The following COBLL1 variants were observed in gnomAD, a reference collection of about 807,000 sequenced individuals.
COBLL1 encodes cordon-bleu WH2 repeat protein like 1.
Under a neutral mutation model 94.8 loss-of-function variants are expected in COBLL1, and 50 were observed. The observed-to-expected ratio is 0.53, with a 90% CI of 0.42 to 0.67. COBLL1 has a LOEUF of 0.67. COBLL1 is among the 30% of genes least tolerant of loss of function. The pLI, the probability that COBLL1 is intolerant of heterozygous loss-of-function variation, is 0.00. For synonymous variants in COBLL1, 448 were observed against 473.8 expected (o/e 0.95, Z 0.71); for missense variants, 1,362 against 1,348.7 (o/e 1.01, Z -0.15).
At chr2:164,726,993 T>C (rs1314963881) in intron 5 of COBLL1, 2 of 436,000 alleles carry the variant, frequency 4.6e-6, no homozygotes, top group Non-Finnish European at 8.0e-6. Context: ...TAGGTTAAAA[T>C]CTCATACAGA....
At chr2:164,712,666 CATT>C (rs1166076748) in intron 7 of COBLL1, among the ~76,000 whole-genome samples, 1 of 151,788 alleles carries the variant, frequency 6.6e-6, no homozygotes, top group African/African-American at 2.4e-5. Context: ...TTTAAAGTGT[CATT>C]ATTATATATA....
intron 2 of COBLL1, among the ~76,000 whole-genome samples, chr2:164,792,732 A>T (rs1458703084): frequency 6.6e-6 from 1 of 152,182 alleles, no homozygotes; most frequent in Non-Finnish European, 1.5e-5. Context: ...TATTTATAAC[A>T]TCAATTTTGT....
At chr2:164,825,585 C>G in intron 2 of COBLL1, among the ~76,000 whole-genome samples, 1 of 152,076 alleles carries the variant, frequency 6.6e-6, no homozygotes, top group East Asian at 1.9e-4. Context: ...TTTAAAGTTT[C>G]TATATTACAA....
chr2:164,695,091 C>T lies in COBLL1; in HGVS notation c.2301G>A (p.Lys767=). The T allele has an allele frequency of 6.2e-7, 1 of 1,613,826 alleles. No individual in the cohort carries two copies. The highest frequency in any genetic ancestry group is 8.5e-7 in the Non-Finnish European group (1 of 1,179,920). The change falls in exon 12 of 14, where the codon AAG becomes AAA. Residue 767 remains lysine, a synonymous_variant. Coordinates refer to ENST00000652658, the MANE Select transcript of COBLL1 (RefSeq NM_001365672.2). The part of the protein sequence containing the change: ...DDQDMHALGK[K]HTHENVKETA... ...TTTCTTTCACATTCTCATGAGTGTG[C>T]TTTTTCCCTAAAGCATGCATGTCCT...
At chr2:164,749,721 C>G (rs1687034756) in intron 2 of COBLL1, among the ~76,000 whole-genome samples, 1 of 152,030 alleles carries the variant, frequency 6.6e-6, no homozygotes, top group South Asian at 2.1e-4. Context: ...GTGAGTATGT[C>G]AAAAGGGCTT....
At position 164,756,056 on chromosome 2, in the gene COBLL1, TGAGA is replaced by T. The variant is rs145182355; in HGVS notation, c.42-12185_42-12182del. 2.1e-4 allele frequency among the ~76,000 whole-genome samples: 30 copies of T among 144,364 alleles called. 1 individual carries two copies. Among genetic ancestry groups the T allele is most frequent in the East Asian group, 6.2e-4 (3 of 4,840 alleles). The allele number at this position is 144,364 out of a possible 152,430, so 94.7% of individuals were successfully genotyped here. On this transcript the variant is annotated intron_variant, in intron 2 of 13. Coordinates refer to ENST00000652658, the MANE Select transcript of COBLL1 (RefSeq NM_001365672.2). ...TGCGTATAGTGTGTATATGGCAGCATGAGAGAGAGAGAGAGAATGAGGGAGGGAG... is the reference window on the plus strand; with the variant it reads ...TGCGTATAGTGTGTATATGGCAGCATGAGAGAGAGAGAATGAGGGAGGGAG...
intron 3 of COBLL1, among the ~76,000 whole-genome samples, chr2:164,736,975 T>C (rs1038184935): frequency 1.3e-5 from 2 of 152,134 alleles, no homozygotes; most frequent in African/African-American, 4.8e-5. Flanking sequence ...AACATCTAAC[T>C]ATTGCACTTG....
chr2:164,800,797 A>T (rs1683735647), intron 2 of COBLL1, among the ~76,000 whole-genome samples: 1 of 152,198 alleles, frequency 6.6e-6, no homozygotes, highest in African/African-American at 2.4e-5. Context: ...AAAAAGTCTC[A>T]AAAGGTTGCA....
intron 2 of COBLL1, among the ~76,000 whole-genome samples, chr2:164,804,367 CTTTT>C (rs1043991328): frequency 6.6e-6 from 1 of 151,674 alleles, no homozygotes; most frequent in Non-Finnish European, 1.5e-5. Flanking sequence ...TTCATGCGTG[CTTTT>C]TTTAAAAATG....
chr2:164,738,174 C>T (rs2105544574), intron 3 of COBLL1: 2 of 152,240 alleles, frequency 1.3e-5, no homozygotes, highest in South Asian at 4.1e-4. Context: ...TTTCTTCCTC[C>T]CTCTTGTAGG....
At chr2:164,814,548 A>G (rs1281933275) in intron 2 of COBLL1, among the ~76,000 whole-genome samples, 1 of 152,176 alleles carries the variant, frequency 6.6e-6, no homozygotes, top group Non-Finnish European at 1.5e-5. Flanking sequence ...ATCTCAATGT[A>G]TGTATACTGA....
Position 164,818,268 on chromosome 2 carries a change from G to GTATGTATGTATACATA in COBLL1, c.41+22872_41+22887dup, listed in dbSNP as rs1201873302. On this transcript the variant is annotated intron_variant, in intron 2 of 13. Transcript: ENST00000652658. The stretch of plus-strand genomic sequence containing the variant: ...TACATGTGCATATACACATATACAC[G>GTATGTATGTATACATA]TATGTATGTATACATATATGTATGT... 1.6e-4 allele frequency among the ~76,000 whole-genome samples: 16 copies of GTATGTATGTATACATA among 100,172 alleles called. 1 individual carries two copies. In the South Asian group the frequency reaches 1.7e-3, roughly 11 times the overall value. The allele number at this position is 100,172 out of a possible 152,430, so 65.7% of individuals were successfully genotyped here. A position where few individuals can be genotyped will look rare whatever the true frequency, so the allele number is the denominator to read the frequency against.
intron 2 of COBLL1, among the ~76,000 whole-genome samples, chr2:164,805,332 T>TAA (rs1684060975): frequency 1.8e-5 from 1 of 54,192 alleles, no homozygotes; most frequent in African/African-American, 8.8e-5. Flanking sequence ...TCTCTCTCTC[T>TAA]CTCTCTATAT....
chr2:164,838,413 G>T (rs1683424091), intron 2 of COBLL1, among the ~76,000 whole-genome samples: 1 of 152,160 alleles, frequency 6.6e-6, no homozygotes, highest in Non-Finnish European at 1.5e-5. Flanking sequence ...ATTAATAAAA[G>T]TGAAGATAAG....
chr2:164,731,216 C>T (rs1436052613), intron 3 of COBLL1, among the ~76,000 whole-genome samples: 1 of 152,162 alleles, frequency 6.6e-6, no homozygotes, highest in Non-Finnish European at 1.5e-5. Context: ...TTTTTATTTC[C>T]TGGCCCATGA....
intron 12 of COBLL1, among the ~76,000 whole-genome samples, chr2:164,693,347 T>C (rs1224255269): frequency 1.3e-5 from 2 of 152,146 alleles, no homozygotes; most frequent in Non-Finnish European, 2.9e-5. Flanking sequence ...TATACAATTA[T>C]GGAAAAATAT....
At chr2:164,721,948 T>C in intron 7 of COBLL1, 127 bp downstream of exon 7, 2 of 626,774 alleles carry the variant, frequency 3.2e-6, no homozygotes, top group Non-Finnish European at 2.7e-6. Flanking sequence ...TTAGTAACTG[T>C]TACTAATTAC....
chr2:164,757,352 C>T (rs1483225537), intron 2 of COBLL1, among the ~76,000 whole-genome samples: 7 of 152,090 alleles, frequency 4.6e-5, no homozygotes, highest in Admixed American at 1.3e-4. Context: ...CACTCAGGAT[C>T]AGTGAATAAA....
rs1172819935 is a variant in COBLL1, at chr2:164,699,580, C to CAA, written c.1461-83_1461-82dup. On this transcript the variant is annotated intron_variant, in intron 10 of 13. Coordinates refer to ENST00000652658, the MANE Select transcript of COBLL1 (RefSeq NM_001365672.2). ...ACACACACACAGACACACACACACA[C>CAA]AATGAGAAACAGGCAATAATTTCCA... The CAA allele has an allele frequency of 1.5e-5, 11 of 726,672 alleles. No individual in the cohort carries two copies. In the African/African-American group the frequency reaches 1.8e-4, roughly 12 times the overall value. 45.0% of individuals were successfully genotyped at this position (726,672 alleles called of 1,614,324 possible).
Sources: gnomAD v4.1 joint callset for allele counts (sites outside exome capture counted in the v4.1 genomes callset) on GRCh38, gnomAD v4.1.1 for gene constraint, MANE v1.5 for transcripts, NCBI Gene and HGNC (gene_info 2026-07-23, HGNC 2026-07-21) for gene names.